Variants in CPEB3 observed in about 807,000 individuals in gnomAD.
CPEB3 encodes cytoplasmic polyadenylation element-binding protein 3.
CPEB3 carries 20 observed loss-of-function variants against 67.2 expected under a neutral mutation model. That is an observed-to-expected ratio of 0.30 (90% CI 0.21 to 0.43). The LOEUF is 0.43. CPEB3 is among the 20% of genes least tolerant of loss of function. CPEB3 has a pLI of 1.00. For missense variants in CPEB3, 746 were observed against 968.6 expected, an observed-to-expected ratio of 0.77 and a Z score of 3.05; for synonymous variants, 376 against 393.1, an observed-to-expected ratio of 0.96 and a Z score of 0.51.
chr10:92,193,930 A>G (rs1385066614), intron 2 of CPEB3, among the ~76,000 whole-genome samples: 1 of 150,898 alleles, frequency 6.6e-6, no homozygotes, highest in Non-Finnish European at 1.5e-5. Flanking sequence ...CCGAGTAGCT[A>G]GGACTACAGG....
chr10:92,188,677 G>A (rs1234757433), intron 3 of CPEB3, among the ~76,000 whole-genome samples: 7 of 151,952 alleles, frequency 4.6e-5, no homozygotes, highest in South Asian at 2.1e-4. Context: ...CTGAGATCCC[G>A]CCACTGCACT....
intron 6 of CPEB3, chr10:92,138,358 G>T (rs946799385): frequency 3.7e-4 from 76 of 204,910 alleles, no homozygotes; most frequent in African/African-American, 1.7e-3. Flanking sequence ...CCTCAATGTT[G>T]CTGACCTCAT....
intron 6 of CPEB3, among the ~76,000 whole-genome samples, chr10:92,135,649 T>A (rs1846056079): frequency 6.6e-6 from 1 of 152,158 alleles, no homozygotes; most frequent in African/African-American, 2.4e-5. Context: ...GACCCAGTGA[T>A]CCCATTACTA....
intron 7 of CPEB3, among the ~76,000 whole-genome samples, chr10:92,101,883 G>A (rs1437735599): frequency 1.3e-5 from 2 of 152,158 alleles, no homozygotes; most frequent in African/African-American, 4.8e-5. Context: ...ATTCCAGCCT[G>A]GGTGACAGAG....
At chr10:92,205,245 C>T (rs1849724529) in intron 2 of CPEB3, among the ~76,000 whole-genome samples, 1 of 152,208 alleles carries the variant, frequency 6.6e-6, no homozygotes, top group Non-Finnish European at 1.5e-5. Context: ...AGCAGCCAAT[C>T]TGCCTCTGGG....
chr10:92,142,609 T>C (rs779059482), intron 6 of CPEB3, among the ~76,000 whole-genome samples: 1 of 152,218 alleles, frequency 6.6e-6, no homozygotes, highest in South Asian at 2.1e-4. Context: ...TTTTGTACAA[T>C]GCCATTCTTT....
chr10:92,145,552 C>T (rs1163269632), intron 4 of CPEB3, among the ~76,000 whole-genome samples: 2 of 151,780 alleles, frequency 1.3e-5, no homozygotes, highest in South Asian at 2.1e-4. Flanking sequence ...TCGCTTGAAC[C>T]CGAACCCGGG....
At chr10:92,271,542 CA>C (rs1189625321) in intron 1 of CPEB3, among the ~76,000 whole-genome samples, 1 of 152,164 alleles carries the variant, frequency 6.6e-6, no homozygotes, top group Non-Finnish European at 1.5e-5. Context: ...GAATGACCCT[CA>C]ATTTTGGTTT....
At position 92,110,932 on chromosome 10, in the gene CPEB3, G is replaced by A. The variant is rs188491939; in HGVS notation, c.1572+144C>T. On this transcript the variant is annotated intron_variant, in intron 7 of 9. Transcript: ENST00000265997. ...TTGTTGTTAGTTTCCCATCACCAAC[G>A]AAAGTCCAACTCTACTGCATAGCAA... 506 of 695,408 alleles carry A rather than the reference G, an allele frequency of 7.3e-4. 1 individual carries two copies. The highest frequency in any genetic ancestry group is 1.1e-3 in the Non-Finnish European group (407 of 381,610). 43.1% of individuals were successfully genotyped at this position (695,408 alleles called of 1,614,324 possible).
At chr10:92,073,403 C>T (rs1235285485) in intron 9 of CPEB3, among the ~76,000 whole-genome samples, 1 of 151,904 alleles carries the variant, frequency 6.6e-6, no homozygotes, top group East Asian at 2.0e-4. Context: ...CCTATAATCC[C>T]AGCACTTTGG....
chr10:92,096,590 T>C (rs1289541553), intron 7 of CPEB3, among the ~76,000 whole-genome samples: 1 of 152,118 alleles, frequency 6.6e-6, no homozygotes, highest in East Asian at 1.9e-4. Context: ...TATCCTGACA[T>C]GATTCCAGCA....
intron 4 of CPEB3, among the ~76,000 whole-genome samples, chr10:92,179,512 T>C (rs1848372215): frequency 6.6e-6 from 1 of 152,214 alleles, no homozygotes; most frequent in African/African-American, 2.4e-5. Flanking sequence ...TGAAGTCTTT[T>C]CACAATTAAT....
intron 1 of CPEB3, among the ~76,000 whole-genome samples, chr10:92,257,840 C>T (rs1852589147): frequency 6.6e-6 from 1 of 151,378 alleles, no homozygotes; most frequent in African/African-American, 2.4e-5. Context: ...AGCGATTCTC[C>T]TGCCTCAGCC....
At chr10:92,236,746 TCACA>T (rs3047561) in intron 2 of CPEB3, among the ~76,000 whole-genome samples, 58 of 150,730 alleles carry the variant, frequency 3.8e-4, no homozygotes, top group Non-Finnish European at 7.7e-4. Flanking sequence ...TGAAACATTG[TCACA>T]CACACACACA....
chr10:92,191,060 T>C (rs1160441839), intron 3 of CPEB3, among the ~76,000 whole-genome samples: 1 of 152,204 alleles, frequency 6.6e-6, no homozygotes, highest in Admixed American at 6.5e-5. Flanking sequence ...TACCTTTTTG[T>C]TCTTCTAATT....
At chr10:92,060,313 G>A (rs907882967) in intron 9 of CPEB3, among the ~76,000 whole-genome samples, 17 of 152,214 alleles carry the variant, frequency 1.1e-4, no homozygotes, top group African/African-American at 3.1e-4. Flanking sequence ...TCATGCCACC[G>A]CACTCTAGCC....
chr10:92,171,466 G>A (rs1408146157), intron 4 of CPEB3, among the ~76,000 whole-genome samples: 1 of 152,044 alleles, frequency 6.6e-6, no homozygotes, highest in East Asian at 1.9e-4. Flanking sequence ...CTACGCCAAT[G>A]AAATTACAGT....
chr10:92,193,211 C>CA (rs932042357), intron 2 of CPEB3, among the ~76,000 whole-genome samples: 85 of 144,624 alleles, frequency 5.9e-4, no homozygotes, highest in Middle Eastern at 3.5e-3. Flanking sequence ...GACTCCATCT[C>CA]AAAAAAAAAA....
In CPEB3 at chr10:92,049,562, GGTCA is replaced by G. The variant is rs1287892985; in HGVS notation, c.*2646_*2649del. On this transcript the variant is annotated 3_prime_UTR_variant, in exon 10 of 10. Coordinates refer to ENST00000265997, the MANE Select transcript of CPEB3 (RefSeq NM_014912.5). ...AACAGAAGAACTCTTTCACAATCCTGGTCAGTCGCGCACAATCAACACTTGATTA... is the reference window on the plus strand; with the variant it reads ...AACAGAAGAACTCTTTCACAATCCTGGTCGCGCACAATCAACACTTGATTA... 1 of 152,488 alleles carries G rather than the reference GGTCA, an allele frequency of 6.6e-6. No homozygotes were observed. Among genetic ancestry groups the G allele is most frequent in the African/African-American group, 2.4e-5 (1 of 41,386 alleles). The allele number at this position is 152,488 out of a possible 1,614,324, so 9.4% of individuals were successfully genotyped here.
Sources: allele counts gnomAD v4.1 joint callset (sites outside exome capture counted in the v4.1 genomes callset), GRCh38; gene constraint gnomAD v4.1.1; transcripts MANE v1.5; gene names NCBI Gene and HGNC (gene_info 2026-07-23, HGNC 2026-07-21).